The following SCHIP1 variants were observed in gnomAD, a reference collection of about 807,000 sequenced individuals.
SCHIP1 encodes the protein schwannomin-interacting protein 1.
Under a neutral mutation model 29.7 loss-of-function variants are expected in SCHIP1, and 8 were observed. The observed-to-expected ratio is 0.27, with a 90% CI of 0.16 to 0.49. SCHIP1 has a LOEUF of 0.49. SCHIP1 is among the 20% of genes least tolerant of loss of function. SCHIP1 has a pLI of 0.99. For synonymous variants in SCHIP1, 76 were observed against 94.9 expected (o/e 0.80, Z 1.16); for missense variants, 193 against 294.6 (o/e 0.66, Z 2.52).
the SCHIP1 span, among the ~76,000 whole-genome samples, chr3:159,516,114 C>T: frequency 6.6e-6 from 1 of 152,090 alleles, no homozygotes; most frequent in East Asian, 1.9e-4. Context: ...CAGCAGCCCT[C>T]TTCTCCTGTT....
chr3:159,435,959 G>A, the SCHIP1 span, among the ~76,000 whole-genome samples: 1 of 152,088 alleles, frequency 6.6e-6, no homozygotes, highest in Non-Finnish European at 1.5e-5. Context: ...CAGGCCAAAG[G>A]GAAGAAGAGC....
At chr3:159,698,113 A>G in the SCHIP1 span, among the ~76,000 whole-genome samples, 3 of 152,254 alleles carry the variant, frequency 2.0e-5, no homozygotes, top group Admixed American at 2.0e-4. Flanking sequence ...GTGGGGAGGC[A>G]ACAAAACTCT....
At chr3:159,504,117 C>T in the SCHIP1 span, among the ~76,000 whole-genome samples, 1 of 152,134 alleles carries the variant, frequency 6.6e-6, no homozygotes, top group East Asian at 1.9e-4. Context: ...GGACCATTAA[C>T]AGAGGAGAGA....
At chr3:159,459,081 TAA>T in the SCHIP1 span, among the ~76,000 whole-genome samples, 1 of 152,238 alleles carries the variant, frequency 6.6e-6, no homozygotes, top group Admixed American at 6.5e-5. Context: ...AAGATAATTA[TAA>T]GTTTCTCTTC....
the SCHIP1 span, among the ~76,000 whole-genome samples, chr3:159,820,010 G>C: frequency 6.6e-6 from 1 of 152,224 alleles, no homozygotes; most frequent in Non-Finnish European, 1.5e-5. Context: ...GTCTCCCAGA[G>C]CCAGTTGATC....
chr3:159,800,797 A>G, the SCHIP1 span, among the ~76,000 whole-genome samples: 1 of 151,984 alleles, frequency 6.6e-6, no homozygotes. Flanking sequence ...CAATCCAGGC[A>G]GATTTCTAAA....
chr3:159,488,650 G>T, the SCHIP1 span, among the ~76,000 whole-genome samples: 1 of 152,108 alleles, frequency 6.6e-6, no homozygotes, highest in African/African-American at 2.4e-5. Flanking sequence ...AAATTGCACA[G>T]AAAGAAGGCC....
At chr3:159,755,408 G>A in the SCHIP1 span, among the ~76,000 whole-genome samples, 2 of 152,200 alleles carry the variant, frequency 1.3e-5, no homozygotes, top group Non-Finnish European at 2.9e-5. Context: ...ATCAGATCTT[G>A]TGAGACCCAT....
chr3:159,752,596 G>T, the SCHIP1 span, among the ~76,000 whole-genome samples: 1 of 152,138 alleles, frequency 6.6e-6, no homozygotes, highest in African/African-American at 2.4e-5. Flanking sequence ...GGAGTGAGGT[G>T]TCTCGCATGG....
the SCHIP1 span, among the ~76,000 whole-genome samples, chr3:159,720,612 T>C: frequency 6.6e-6 from 1 of 151,970 alleles, no homozygotes; most frequent in African/African-American, 2.4e-5. Flanking sequence ...TGAGGCAGAG[T>C]GTTACTCTGC....
chr3:159,823,391 C>A, the SCHIP1 span, among the ~76,000 whole-genome samples: 2 of 152,162 alleles, frequency 1.3e-5, no homozygotes, highest in Non-Finnish European at 2.9e-5. Context: ...CATCTCTTAA[C>A]CTGCTTTTTC....
At chr3:159,656,753 C>A in the SCHIP1 span, among the ~76,000 whole-genome samples, 3 of 152,140 alleles carry the variant, frequency 2.0e-5, no homozygotes, top group African/African-American at 7.2e-5. Flanking sequence ...CTAGTTTCAG[C>A]AGCTCATTCA....
the SCHIP1 span, among the ~76,000 whole-genome samples, chr3:159,745,351 G>A: frequency 2.6e-5 from 4 of 152,240 alleles, no homozygotes; most frequent in African/African-American, 9.6e-5. Flanking sequence ...GACTCAGGCA[G>A]AGTCAGGTAA....
At chr3:159,408,403 A>AAG in the SCHIP1 span, among the ~76,000 whole-genome samples, 1 of 151,624 alleles carries the variant, frequency 6.6e-6, no homozygotes. Context: ...GCAATGATAA[A>AAG]AAAAAAAGGA....
chr3:159,339,198 C>A, the SCHIP1 span, among the ~76,000 whole-genome samples: 8 of 151,438 alleles, frequency 5.3e-5, no homozygotes, highest in East Asian at 1.6e-3. Flanking sequence ...ACTACAAAGG[C>A]CTTTGACATG....
the SCHIP1 span, among the ~76,000 whole-genome samples, chr3:159,825,598 A>C: frequency 1.3e-5 from 2 of 152,226 alleles, no homozygotes; most frequent in East Asian, 1.9e-4. Context: ...CTAAAGTGAG[A>C]GAACTTCTCG....
the SCHIP1 span, among the ~76,000 whole-genome samples, chr3:159,611,947 CAT>C: frequency 6.6e-6 from 1 of 152,030 alleles, no homozygotes; most frequent in African/African-American, 2.4e-5. Flanking sequence ...TATAAAATTC[CAT>C]ATAATTTTTC....
the SCHIP1 span, among the ~76,000 whole-genome samples, chr3:159,784,874 G>A: frequency 1.3e-5 from 2 of 152,074 alleles, no homozygotes; most frequent in African/African-American, 4.8e-5. Context: ...GGCTGGTCTC[G>A]AGCTCCTGAC....
At chr3:159,734,465 G>A in the SCHIP1 span, among the ~76,000 whole-genome samples, 1 of 151,874 alleles carries the variant, frequency 6.6e-6, no homozygotes, top group African/African-American at 2.4e-5. Context: ...TATAAGATAA[G>A]TCAAGGTATT....
Sources: gnomAD v4.1 joint callset for allele counts (sites outside exome capture counted in the v4.1 genomes callset) on GRCh38, gnomAD v4.1.1 for gene constraint, MANE v1.5 for transcripts, NCBI Gene and HGNC (gene_info 2026-07-23, HGNC 2026-07-21) for gene names.